The following DSCAM variants were observed in gnomAD, a reference collection of about 807,000 sequenced individuals.
The protein encoded by DSCAM is cell adhesion molecule DSCAM.
In DSCAM, 47 loss-of-function variants were observed where a neutral mutation model predicts 217.7. The ratio of observed to expected loss-of-function variants is 0.22; its 90% CI spans 0.17 to 0.28. The LOEUF (loss-of-function observed/expected upper bound fraction) is 0.28, where lower values mean the gene tolerates loss of function less well. Ranked by LOEUF, DSCAM falls within the 10% of genes least tolerant of loss-of-function variation. The pLI is 1.00. For synonymous variants in DSCAM, 1,056 were observed against 1,015.3 expected (o/e 1.04, Z -0.76); for missense variants, 2,080 against 2,618.3 (o/e 0.79, Z 4.49).
intron 11 of DSCAM, among the ~76,000 whole-genome samples, chr21:40,257,752 T>G (rs903045891): frequency 6.6e-6 from 1 of 152,220 alleles, no homozygotes; most frequent in Admixed American, 6.5e-5. Context: ...TTAATTTTTT[T>G]AATGCTCATG....
At chr21:40,257,527 C>T (rs2073390811) in intron 11 of DSCAM, among the ~76,000 whole-genome samples, 1 of 151,212 alleles carries the variant, frequency 6.6e-6, no homozygotes, top group Non-Finnish European at 1.5e-5. Context: ...GGCACTGCCT[C>T]TCCACATGGC....
Position 40,187,139 on chromosome 21 carries a change from T to G in DSCAM, c.2771A>C (p.Asn924Thr). ...PITGYDIECKNKSDSWDSAQR... is the reference protein window; with the variant it reads ...PITGYDIECKTKSDSWDSAQR... ...GGAAGTAAAGAACTTACCTGATTTATTTTTGCATTCAATATCGTAGCCTGT... is the reference window on the plus strand; with the variant it reads ...GGAAGTAAAGAACTTACCTGATTTAGTTTTGCATTCAATATCGTAGCCTGT... Residue 924 changes from asparagine (N) to threonine (T), a missense_variant, in exon 14 of 33, where the codon AAT (asparagine) becomes ACT (threonine). By Grantham distance (65) the Asn-to-Thr change is moderately conservative. Transcript: ENST00000400454. 6.2e-7 allele frequency: 1 copy of G among 1,613,236 alleles called. No homozygotes were observed. The highest frequency in any genetic ancestry group is 8.5e-7 in the Non-Finnish European group (1 of 1,179,686).
chr21:40,646,718 T>C (rs188462321), intron 3 of DSCAM, among the ~76,000 whole-genome samples: 2 of 152,290 alleles, frequency 1.3e-5, no homozygotes, highest in African/African-American at 4.8e-5. Context: ...TGGTGTGCAG[T>C]TGAATTTCAG....
At chr21:40,598,508 T>TG (rs920826589) in intron 3 of DSCAM, among the ~76,000 whole-genome samples, 60 of 137,396 alleles carry the variant, frequency 4.4e-4, no homozygotes, top group African/African-American at 1.5e-3. Context: ...TTTTTTTTTT[T>TG]TTTTTTTTTT....
chr21:40,757,785 T>A (rs1332912737), intron 1 of DSCAM, among the ~76,000 whole-genome samples: 1 of 152,220 alleles, frequency 6.6e-6, no homozygotes, highest in African/African-American at 2.4e-5. Flanking sequence ...TTTGGGCCAC[T>A]AAGTTTTGGC....
chr21:40,365,453 G>A (rs1481153453), intron 4 of DSCAM, among the ~76,000 whole-genome samples: 1 of 152,124 alleles, frequency 6.6e-6, no homozygotes, highest in African/African-American at 2.4e-5. Context: ...AAGGTTTTGG[G>A]AATTAGACTG....
intron 19 of DSCAM, among the ~76,000 whole-genome samples, chr21:40,128,757 G>C (rs1429644503): frequency 6.6e-6 from 1 of 150,422 alleles, no homozygotes; most frequent in African/African-American, 2.4e-5. Flanking sequence ...CTTGACCTCA[G>C]ATGAGGGCAC....
At chr21:40,261,652 T>TCTAC (rs1045948385) in intron 11 of DSCAM, among the ~76,000 whole-genome samples, 3 of 133,518 alleles carry the variant, frequency 2.2e-5, no homozygotes, top group East Asian at 2.2e-4. Flanking sequence ...TCTCTCTCTC[T>TCTAC]ACACACACAC....
chr21:40,597,807 C>T (rs1259539790), intron 3 of DSCAM, among the ~76,000 whole-genome samples: 2 of 152,144 alleles, frequency 1.3e-5, no homozygotes, highest in Middle Eastern at 3.4e-3. Flanking sequence ...CCACAGTGCC[C>T]GGCCTATTTC....
At chr21:40,022,790 T>TG (rs1343686663) in intron 32 of DSCAM, among the ~76,000 whole-genome samples, 1 of 152,002 alleles carries the variant, frequency 6.6e-6, no homozygotes, top group African/African-American at 2.4e-5. Context: ...CTTTTTTTTT[T>TG]TCTTATATCT....
intron 1 of DSCAM, among the ~76,000 whole-genome samples, chr21:40,811,193 T>C (rs894392066): frequency 2.0e-5 from 3 of 152,202 alleles, no homozygotes; most frequent in African/African-American, 7.2e-5. Flanking sequence ...ACTTTCATGC[T>C]ACAGCGTGCA....
chr21:40,776,231 C>T (rs922167231), intron 1 of DSCAM, among the ~76,000 whole-genome samples: 15 of 151,806 alleles, frequency 9.9e-5, no homozygotes, highest in African/African-American at 3.6e-4. Context: ...ATTATTTCTT[C>T]CAGAATTATA....
chr21:40,342,648 A>ATATTTTTTTTTT (rs61637421), intron 6 of DSCAM, among the ~76,000 whole-genome samples: 4 of 80,322 alleles, frequency 5.0e-5, no homozygotes, highest in African/African-American at 2.1e-4. Flanking sequence ...ATATATATAT[A>ATATTTTTTTTTT]TTTTTTTTTT....
chr21:40,558,793 G>A (rs1025206674), intron 3 of DSCAM, among the ~76,000 whole-genome samples: 2 of 151,914 alleles, frequency 1.3e-5, no homozygotes, highest in African/African-American at 4.8e-5. Flanking sequence ...AACCATCCTC[G>A]TTATTTTTAT....
At chr21:40,302,808 T>C (rs993998997) in intron 9 of DSCAM, among the ~76,000 whole-genome samples, 1 of 152,196 alleles carries the variant, frequency 6.6e-6, no homozygotes, top group African/African-American at 2.4e-5. Context: ...AAAATGAAGG[T>C]TGTTTAAAAC....
chr21:40,418,349 T>C (rs2090073460), intron 3 of DSCAM, among the ~76,000 whole-genome samples: 1 of 152,212 alleles, frequency 6.6e-6, no homozygotes, highest in Non-Finnish European at 1.5e-5. Flanking sequence ...AGTTTAAGTT[T>C]TGACCAACCA....
At chr21:40,240,348 GGTTT>G (rs1270460103) in intron 11 of DSCAM, among the ~76,000 whole-genome samples, 2 of 43,852 alleles carry the variant, frequency 4.6e-5, no homozygotes, top group African/African-American at 1.6e-4. Context: ...CTTCCTCACT[GGTTT>G]TTTTTTTTTT....
At chr21:40,500,352 T>C (rs896191970) in intron 3 of DSCAM, among the ~76,000 whole-genome samples, 1 of 152,210 alleles carries the variant, frequency 6.6e-6, no homozygotes, top group African/African-American at 2.4e-5. Context: ...ATTTCTGTAG[T>C]CTATGTCTTT....
chr21:40,533,161 T>C (rs189454903), intron 3 of DSCAM, among the ~76,000 whole-genome samples: 4 of 152,326 alleles, frequency 2.6e-5, no homozygotes, highest in Admixed American at 6.5e-5. Context: ...CAGGATACTG[T>C]AAAGAGAATA....
Sources: gnomAD v4.1 joint callset for allele counts (sites outside exome capture counted in the v4.1 genomes callset) on GRCh38, gnomAD v4.1.1 for gene constraint, MANE v1.5 for transcripts, NCBI Gene and HGNC (gene_info 2026-07-23, HGNC 2026-07-21) for gene names.